Variants in ANK3 observed in about 807,000 individuals in gnomAD.
The protein encoded by ANK3 is ankyrin 3.
Under a neutral mutation model 370.9 loss-of-function variants are expected in ANK3, and 57 were observed. That is an observed-to-expected ratio of 0.15 (90% CI 0.12 to 0.19). The LOEUF (loss-of-function observed/expected upper bound fraction) is 0.19. ANK3 is among the 10% of genes least tolerant of loss of function. ANK3 has a pLI of 1.00. For synonymous variants in ANK3, 1,929 were observed against 1,946.3 expected (o/e 0.99, Z 0.23); for missense variants, 4,439 against 5,302.1 (o/e 0.84, Z 5.06).
At chr10:60,432,338 A>G (rs960728025) in intron 2 of ANK3, among the ~76,000 whole-genome samples, 79 of 152,284 alleles carry the variant, frequency 5.2e-4, no homozygotes, top group African/African-American at 1.8e-3. Flanking sequence ...GCTCGTCTCT[A>G]AGGTATGTTG....
chr10:60,264,835 G>A (rs1436459657), intron 5 of ANK3, among the ~76,000 whole-genome samples: 1 of 152,044 alleles, frequency 6.6e-6, no homozygotes, highest in Non-Finnish European at 1.5e-5. Flanking sequence ...ACTCATTGTT[G>A]CTTTATGAAA....
chr10:60,728,458 C>T (rs1368920687), intron 1 of ANK3, among the ~76,000 whole-genome samples: 1 of 149,450 alleles, frequency 6.7e-6, no homozygotes, highest in African/African-American at 2.4e-5. Flanking sequence ...GTAAAAGTTC[C>T]CAACATTTGG....
chr10:60,525,092 A>C (rs1207388509), intron 2 of ANK3, among the ~76,000 whole-genome samples: 5 of 152,114 alleles, frequency 3.3e-5, no homozygotes, highest in African/African-American at 7.2e-5. Flanking sequence ...ATTCCAACCC[A>C]TAGGACAGTT....
chr10:60,103,136 A>G (rs565448427), intron 28 of ANK3, among the ~76,000 whole-genome samples: 1 of 152,042 alleles, frequency 6.6e-6, no homozygotes, highest in Non-Finnish European at 1.5e-5. Context: ...TTTTTAGTAG[A>G]GACGGGGGTT....
intron 10 of ANK3, among the ~76,000 whole-genome samples, 200 bp downstream of exon 10, chr10:60,207,836 G>C (rs549753759): frequency 6.6e-6 from 1 of 152,172 alleles, no homozygotes; most frequent in Non-Finnish European, 1.5e-5. Flanking sequence ...AACATTAACA[G>C]TTTGGCTCCC....
At chr10:60,616,403 T>C (rs2078268364) in intron 1 of ANK3, among the ~76,000 whole-genome samples, 1 of 152,166 alleles carries the variant, frequency 6.6e-6, no homozygotes. Flanking sequence ...ATATTTTGTG[T>C]TGTTCTCTTT....
At chr10:60,043,478 T>G in intron 42 of ANK3, 1 of 985,096 alleles carries the variant, frequency 1.0e-6, no homozygotes. Context: ...TAACCAGAGA[T>G]GTTTTCTCTG....
At chr10:60,390,428 T>A (rs1397608822), upstream of ANK3, among the ~76,000 whole-genome samples, 2 of 152,130 alleles carry the variant, frequency 1.3e-5, no homozygotes, top group Non-Finnish European at 2.9e-5. Context: ...TAATCAGTGT[T>A]TCTGAGTCAC....
At chr10:60,464,656 G>C (rs892946382) in intron 2 of ANK3, among the ~76,000 whole-genome samples, 1 of 152,086 alleles carries the variant, frequency 6.6e-6, no homozygotes, top group Non-Finnish European at 1.5e-5. Context: ...TCTATTTCTA[G>C]CTTTCAAAAA....
chr10:60,066,819 C>G (rs1432560217), intron 38 of ANK3, among the ~76,000 whole-genome samples: 2 of 152,118 alleles, frequency 1.3e-5, no homozygotes, highest in Non-Finnish European at 2.9e-5. Context: ...TAAAATTTCT[C>G]AGATTCATGT....
At chr10:60,458,543 C>G (rs2064808443) in intron 2 of ANK3, among the ~76,000 whole-genome samples, 1 of 152,082 alleles carries the variant, frequency 6.6e-6, no homozygotes, top group Non-Finnish European at 1.5e-5. Flanking sequence ...TGAGAAAATT[C>G]AGCAAGAGCA....
At chr10:60,165,372 G>T (rs1409631912) in intron 23 of ANK3, among the ~76,000 whole-genome samples, 1 of 152,184 alleles carries the variant, frequency 6.6e-6, no homozygotes, top group African/African-American at 2.4e-5. Context: ...TCCATTTGGG[G>T]ATAGAAGGGA....
intron 2 of ANK3, among the ~76,000 whole-genome samples, chr10:60,532,416 C>T (rs780003095): frequency 1.1e-4 from 16 of 152,138 alleles, no homozygotes; most frequent in Non-Finnish European, 1.9e-4. Flanking sequence ...GGGTCCAGGG[C>T]AGGCAAGAGC....
chr10:60,436,730 G>A (rs1595031946), intron 2 of ANK3, among the ~76,000 whole-genome samples: 1 of 152,102 alleles, frequency 6.6e-6, no homozygotes, highest in African/African-American at 2.4e-5. Flanking sequence ...TAGGTGATCC[G>A]CAAATATATC....
intron 1 of ANK3, among the ~76,000 whole-genome samples, chr10:60,352,235 G>A (rs1353832101): frequency 6.6e-6 from 1 of 152,184 alleles, no homozygotes. Flanking sequence ...GCGGAGGGGT[G>A]CAGTGAGCTG....
At position 60,134,272 on chromosome 10, in the gene ANK3, T is replaced by G. The variant is rs201011715; in HGVS notation, c.2840A>C (p.Gln947Pro). ...IEELLVPSKEQHLTFTREFDS... is the reference protein window; with the variant it reads ...IEELLVPSKEPHLTFTREFDS... The stretch of plus-strand genomic sequence containing the variant: ...GGCTATTTTGAAAAGAATGCATACC[T>G]GCTCTTTGGATGGCACAAGGAGTTC... Residue 947 changes from glutamine to proline, a missense_variant and splice_region_variant, in exon 25 of 44, where the codon CAG becomes CCG. Physicochemically the swap from Gln to Pro is moderately conservative, Grantham distance 76. Around this residue, in one of 13 missense-constraint regions of ANK3, gnomAD observed 702 missense variants for 941.5 expected, o/e 0.75. Transcript: ENST00000280772. 3.3e-4 allele frequency: 529 copies of G among 1,612,586 alleles called. 1 individual carries two copies. The highest frequency in any genetic ancestry group is 4.1e-5 in the Non-Finnish European group (48 of 1,179,050).
intron 2 of ANK3, among the ~76,000 whole-genome samples, chr10:60,437,568 A>C (rs544192195): frequency 6.6e-6 from 1 of 152,204 alleles, no homozygotes; most frequent in Non-Finnish European, 1.5e-5. Context: ...TGCTAAATAA[A>C]GGAATGAATG....
chr10:60,226,040 T>A (rs1251102628), intron 8 of ANK3, among the ~76,000 whole-genome samples: 3 of 143,616 alleles, frequency 2.1e-5, no homozygotes, highest in African/African-American at 7.7e-5. Flanking sequence ...ATATTATATA[T>A]AATAGAGAGT....
chr10:60,456,381 C>T (rs960465906), intron 2 of ANK3, among the ~76,000 whole-genome samples: 4 of 152,168 alleles, frequency 2.6e-5, no homozygotes, highest in Non-Finnish European at 4.4e-5. Context: ...ATAATTTACA[C>T]TGTAAAAACA....
Sources: gnomAD v4.1 joint callset for allele counts (sites outside exome capture counted in the v4.1 genomes callset) on GRCh38, gnomAD v4.1.1 for gene constraint, gnomAD v4.1.1 regional missense constraint, MANE v1.5 for transcripts, NCBI Gene and HGNC (gene_info 2026-07-23, HGNC 2026-07-21) for gene names.